The following CNTNAP2 variants were observed in gnomAD, a reference collection of about 807,000 sequenced individuals.
CNTNAP2 encodes the protein contactin associated protein 2.
CNTNAP2 carries 98 observed loss-of-function variants against 155.2 expected under a neutral mutation model. The observed-to-expected ratio is 0.63, with a 90% confidence interval of 0.54 to 0.75. The LOEUF is 0.75. CNTNAP2 is among the 30% of genes least tolerant of loss of function. CNTNAP2 has a pLI of 0.00. For synonymous variants in CNTNAP2, 651 were observed against 631.2 expected, an observed-to-expected ratio of 1.03 and a Z score of -0.47; for missense variants, 1,727 against 1,688.1, an observed-to-expected ratio of 1.02 and a Z score of -0.40.
intron 9 of CNTNAP2, among the ~76,000 whole-genome samples, chr7:147,341,949 C>T (rs1352297797): frequency 6.6e-6 from 1 of 152,128 alleles, no homozygotes; most frequent in Non-Finnish European, 1.5e-5. Flanking sequence ...GAGGCTTAAA[C>T]ATCAAACATT....
intron 7 of CNTNAP2, 137 bp downstream of exon 7, chr7:147,128,973 T>A: frequency 9.2e-7 from 1 of 1,088,604 alleles, no homozygotes; most frequent in Non-Finnish European, 1.4e-6. Context: ...AAAACAAACA[T>A]TAGAGTTATC....
At chr7:147,868,373 G>A (rs1396552060) in intron 13 of CNTNAP2, among the ~76,000 whole-genome samples, 1 of 152,162 alleles carries the variant, frequency 6.6e-6, no homozygotes, top group African/African-American at 2.4e-5. Context: ...CCTATATGAG[G>A]TGTCTGTCGG....
intron 16 of CNTNAP2, among the ~76,000 whole-genome samples, chr7:148,128,940 G>T (rs1336224486): frequency 6.6e-6 from 1 of 152,016 alleles, no homozygotes; most frequent in Admixed American, 6.6e-5. Context: ...TCTCCACATC[G>T]CCTTTCCTCC....
chr7:147,048,695 A>G (rs1385202396), intron 4 of CNTNAP2, among the ~76,000 whole-genome samples: 1 of 152,208 alleles, frequency 6.6e-6, no homozygotes, highest in Non-Finnish European at 1.5e-5. Flanking sequence ...CCAAATTTTT[A>G]ATTTAATTTA....
At chr7:147,254,204 T>C (rs1250132056) in intron 8 of CNTNAP2, among the ~76,000 whole-genome samples, 7 of 152,144 alleles carry the variant, frequency 4.6e-5, no homozygotes, top group African/African-American at 1.7e-4. Context: ...AAAACTTCAT[T>C]GTATTTGAAA....
intron 15 of CNTNAP2, among the ~76,000 whole-genome samples, chr7:147,996,056 T>C (rs373990653): frequency 2.2e-4 from 34 of 152,326 alleles, no homozygotes; most frequent in African/African-American, 8.2e-4. Context: ...ACACCTATGT[T>C]TCTACGTGCT....
intron 13 of CNTNAP2, among the ~76,000 whole-genome samples, chr7:147,692,288 C>T (rs1164794186): frequency 2.0e-5 from 3 of 152,028 alleles, no homozygotes; most frequent in Non-Finnish European, 4.4e-5. Flanking sequence ...CTTCCACTGG[C>T]AATTATGAAT....
At chr7:148,288,153 G>A (rs1354915930) in intron 21 of CNTNAP2, among the ~76,000 whole-genome samples, 2 of 145,946 alleles carry the variant, frequency 1.4e-5, no homozygotes, top group Non-Finnish European at 3.0e-5. Context: ...GGGCTGGAGT[G>A]CAATGGCACA....
intron 21 of CNTNAP2, among the ~76,000 whole-genome samples, chr7:148,314,558 C>T (rs377529261): frequency 9.0e-4 from 137 of 151,806 alleles, no homozygotes; most frequent in Middle Eastern, 3.4e-3. Flanking sequence ...GGAGGCAAGC[C>T]CAGAGAAAAG....
chr7:147,732,506 T>A (rs10952707), intron 13 of CNTNAP2, among the ~76,000 whole-genome samples: 135,693 of 142,546 alleles, frequency 0.95, 64,663 homozygotes, highest in East Asian at 0.99. Context: ...TACATGTGCA[T>A]GTGTCTTTAT....
intron 1 of CNTNAP2, among the ~76,000 whole-genome samples, chr7:146,141,288 A>T (rs1358055699): frequency 6.6e-6 from 1 of 152,176 alleles, no homozygotes; most frequent in South Asian, 2.1e-4. Flanking sequence ...ATGTCTTCTA[A>T]TGTGGTGGTG....
intron 15 of CNTNAP2, among the ~76,000 whole-genome samples, chr7:147,998,492 T>A (rs1801846571): frequency 6.6e-6 from 1 of 152,144 alleles, no homozygotes; most frequent in Non-Finnish European, 1.5e-5. Flanking sequence ...ATTTTTGCAA[T>A]CAAGGAATTG....
intron 13 of CNTNAP2, among the ~76,000 whole-genome samples, chr7:147,896,357 C>G (rs1390123604): frequency 6.6e-6 from 1 of 152,128 alleles, no homozygotes; most frequent in Non-Finnish European, 1.5e-5. Context: ...TCACCTTGCC[C>G]GCTGCCTAGA....
chr7:147,857,854 C>T (rs182949923), intron 13 of CNTNAP2, among the ~76,000 whole-genome samples: 1 of 152,298 alleles, frequency 6.6e-6, no homozygotes, highest in African/African-American at 2.4e-5. Flanking sequence ...CAGTGATTTG[C>T]CTCGGCTGCA....
chr7:147,948,679 G>GTA (rs1308720186), intron 14 of CNTNAP2, among the ~76,000 whole-genome samples: 3 of 149,574 alleles, frequency 2.0e-5, no homozygotes, highest in South Asian at 4.2e-4. Context: ...GTGTGTGTGT[G>GTA]TATATATATA....
At chr7:148,121,456 C>T (rs1004610210) in intron 16 of CNTNAP2, among the ~76,000 whole-genome samples, 3 of 152,210 alleles carry the variant, frequency 2.0e-5, no homozygotes, top group Non-Finnish European at 4.4e-5. Flanking sequence ...GTTTTCACAA[C>T]AGTGGCGGGC....
chr7:147,716,033 G>A (rs1796477464), intron 13 of CNTNAP2, among the ~76,000 whole-genome samples: 2 of 152,108 alleles, frequency 1.3e-5, no homozygotes, highest in Admixed American at 6.6e-5. Flanking sequence ...TTTTATTTCT[G>A]TGAGATGCAA....
chr7:148,313,534 G>T (rs115707642), intron 21 of CNTNAP2, among the ~76,000 whole-genome samples: 8,863 of 152,188 alleles, frequency 0.058, 573 homozygotes, highest in Admixed American at 0.19. Context: ...GGGGGAGAAG[G>T]TTCTGGAGGA....
chr7:146,576,734 C>T (rs1288922070), intron 1 of CNTNAP2, among the ~76,000 whole-genome samples: 1 of 152,086 alleles, frequency 6.6e-6, no homozygotes, highest in Non-Finnish European at 1.5e-5. Context: ...TTCTCTTTAC[C>T]ATTTCCTCAT....
Sources: allele counts gnomAD v4.1 joint callset (sites outside exome capture counted in the v4.1 genomes callset), GRCh38; gene constraint gnomAD v4.1.1; transcripts MANE v1.5; gene names NCBI Gene and HGNC (gene_info 2026-07-23, HGNC 2026-07-21).